OR2L13: variants seen among roughly 807,000 people sequenced by gnomAD.
OR2L13 encodes the protein olfactory receptor family 2 subfamily L member 13.
A neutral mutation model predicts 15.3 loss-of-function variants in OR2L13; 14 were observed. The ratio of observed to expected loss-of-function variants is 0.91; its 90% CI spans 0.60 to 1.43. The LOEUF (loss-of-function observed/expected upper bound fraction) is 1.43, where lower values mean the gene tolerates loss of function less well. Among genes scored for constraint, OR2L13 ranks in the 40% most tolerant of loss-of-function variants. OR2L13 has a pLI of 0.00. For missense variants in OR2L13, 367 were observed against 387.9 expected (o/e 0.95, Z 0.45); for synonymous variants, 152 against 142.9 (o/e 1.06, Z -0.45).
chr1:248,100,289 G>T (rs1174505032), exon 3 of OR2L13: 1 of 1,605,122 alleles, frequency 6.2e-7, no homozygotes, highest in South Asian at 1.1e-5. Context: ...AGAGTGTTTG[G>T]GATATTCTCT....
At chr1:248,041,269 T>C in the OR2L13 span, 2 of 152,168 alleles carry the variant, frequency 1.3e-5, no homozygotes, top group African/African-American at 4.8e-5. Context: ...AAGGATTCCC[T>C]ATTTAATAAA....
the OR2L13 span, among the ~76,000 whole-genome samples, chr1:248,074,268 C>T: frequency 2.0e-5 from 3 of 151,382 alleles, no homozygotes; most frequent in Middle Eastern, 3.2e-3. Flanking sequence ...TTTAAAATGA[C>T]GTGAAGATAC....
the OR2L13 span, among the ~76,000 whole-genome samples, chr1:248,011,112 G>A: frequency 6.6e-6 from 1 of 152,042 alleles, no homozygotes; most frequent in East Asian, 1.9e-4. Flanking sequence ...TCCATGTTTA[G>A]TGCTTCCTTC....
the OR2L13 span, among the ~76,000 whole-genome samples, chr1:247,978,078 T>C: frequency 6.6e-6 from 1 of 152,286 alleles, no homozygotes; most frequent in South Asian, 2.1e-4. Context: ...TTTTGTGTCT[T>C]ACAAGAGGAT....
At chr1:247,994,907 C>T in the OR2L13 span, among the ~76,000 whole-genome samples, 2 of 152,262 alleles carry the variant, frequency 1.3e-5, no homozygotes, top group African/African-American at 4.8e-5. Context: ...CTCAATCAGA[C>T]TGACTTGAAT....
At chr1:248,036,676 C>A in the OR2L13 span, among the ~76,000 whole-genome samples, 2 of 152,202 alleles carry the variant, frequency 1.3e-5, no homozygotes, top group African/African-American at 4.8e-5. Context: ...GTATCCTGTG[C>A]AAAGTTGTCC....
the OR2L13 span, among the ~76,000 whole-genome samples, chr1:248,025,079 A>G: frequency 6.6e-6 from 1 of 151,714 alleles, no homozygotes; most frequent in African/African-American, 2.4e-5. Flanking sequence ...AATGGCAACA[A>G]AAGACAAAAT....
At chr1:248,035,971 C>G in the OR2L13 span, among the ~76,000 whole-genome samples, 1 of 151,610 alleles carries the variant, frequency 6.6e-6, no homozygotes, top group African/African-American at 2.4e-5. Context: ...ATTATTATTA[C>G]TACTATTTCT....
the OR2L13 span, among the ~76,000 whole-genome samples, chr1:247,997,918 A>G: frequency 6.6e-6 from 1 of 152,158 alleles, no homozygotes; most frequent in Admixed American, 6.5e-5. Context: ...AATTCCCATG[A>G]AAGTCTCTGA....
chr1:248,061,185 C>A, the OR2L13 span: 1 of 1,612,642 alleles, frequency 6.2e-7, no homozygotes, highest in South Asian at 1.1e-5. Context: ...TTCCTTATTG[C>A]CAATCCAGGG....
chr1:248,046,548 A>T, the OR2L13 span, among the ~76,000 whole-genome samples: 2 of 152,184 alleles, frequency 1.3e-5, no homozygotes, highest in African/African-American at 4.8e-5. Context: ...ACATGCCTTG[A>T]AACATCTAAA....
chr1:248,095,024 G>T (rs1448405962), upstream of OR2L13, among the ~76,000 whole-genome samples: 1 of 152,162 alleles, frequency 6.6e-6, no homozygotes, highest in Non-Finnish European at 1.5e-5. Flanking sequence ...TTTGCTTTAA[G>T]TTCAGAATTT....
the OR2L13 span, among the ~76,000 whole-genome samples, chr1:248,011,002 A>G: frequency 6.6e-5 from 10 of 151,924 alleles, no homozygotes; most frequent in Admixed American, 2.0e-4. Flanking sequence ...TTATGATGCT[A>G]TTTGGTTACT....
the OR2L13 span, among the ~76,000 whole-genome samples, chr1:247,960,397 T>C: frequency 2.0e-5 from 3 of 152,198 alleles, no homozygotes; most frequent in Non-Finnish European, 2.9e-5. Context: ...AGGGACCCAC[T>C]TGAGGAGGCA....
At chr1:248,003,749 G>C in the OR2L13 span, 1 of 1,613,830 alleles carries the variant, frequency 6.2e-7, no homozygotes, top group Non-Finnish European at 8.5e-7. Context: ...CATCTTTCTC[G>C]TGTTTCCCTT....
chr1:247,937,939 A>G, the OR2L13 span, among the ~76,000 whole-genome samples: 1 of 152,198 alleles, frequency 6.6e-6, no homozygotes, highest in Admixed American at 6.5e-5. Flanking sequence ...ATAGTAATAA[A>G]TGTTAACCAT....
chr1:248,032,477 A>G, the OR2L13 span, among the ~76,000 whole-genome samples: 1 of 152,092 alleles, frequency 6.6e-6, no homozygotes, highest in African/African-American at 2.4e-5. Context: ...ATTGTCTCCA[A>G]CTAAAATTTT....
At chr1:247,952,209 C>G in the OR2L13 span, among the ~76,000 whole-genome samples, 1 of 152,074 alleles carries the variant, frequency 6.6e-6, no homozygotes, top group Admixed American at 6.6e-5. Context: ...GAGTGTGAAC[C>G]CTGTGCATAT....
the OR2L13 span, chr1:248,061,534 A>T: frequency 1.2e-6 from 2 of 1,613,890 alleles, no homozygotes; most frequent in Non-Finnish European, 1.7e-6. Context: ...TCCAATGCTC[A>T]ACCCCATCAT....
Sources: allele counts gnomAD v4.1 joint callset (sites outside exome capture counted in the v4.1 genomes callset), GRCh38; gene constraint gnomAD v4.1.1; transcripts MANE v1.5; gene names NCBI Gene and HGNC (gene_info 2026-07-23, HGNC 2026-07-21).